FAM81B: variants seen among roughly 807,000 people sequenced by gnomAD.
The protein encoded by FAM81B is protein FAM81B.
Under a neutral mutation model 58.7 loss-of-function variants are expected in FAM81B, and 60 were observed. That is an observed-to-expected ratio of 1.02 (90% CI 0.83 to 1.27). FAM81B has a LOEUF of 1.27. Ranked by LOEUF, FAM81B falls within the 50% of genes most tolerant of loss-of-function variation. The pLI, the probability that FAM81B is intolerant of heterozygous loss-of-function variation, is 0.00. For missense variants in FAM81B, 491 were observed against 522.0 expected (o/e 0.94, Z 0.58); for synonymous variants, 189 against 179.6 (o/e 1.05, Z -0.42).
Position 95,413,812 on chromosome 5 carries a change from A to G in FAM81B, c.294-135A>G, listed in dbSNP as rs573436546. On this transcript the variant is annotated intron_variant, in intron 3 of 9. Transcript: ENST00000283357. The stretch of plus-strand genomic sequence containing the variant: ...ACCTTCACCAAATTCTAACCATGGC[A>G]AGTGCTTAAAATCCTATCAAACTTC... The G allele has an allele frequency of 1.2e-4, 164 of 1,415,742 alleles. No individual in the cohort carries two copies. In the East Asian group the frequency reaches 1.2e-3, roughly 10 times the overall value. The allele number at this position is 1,415,742 out of a possible 1,614,324, so 87.7% of individuals were successfully genotyped here. A position where few individuals can be genotyped will look rare whatever the true frequency, so the allele number is the denominator to read the frequency against.
chr5:95,428,539 T>A lies in FAM81B; in HGVS notation c.657-64T>A. The A allele has an allele frequency of 5.7e-6, 9 of 1,581,216 alleles. No individual in the cohort carries two copies. The South Asian group carries it at 1.0e-4, about 18-fold the overall frequency. ...TGGCCATCAAATGAATGTGCAGGTGTCTACTATAGTGTTAAAAATGTTATA... is the reference window on the plus strand; with the variant it reads ...TGGCCATCAAATGAATGTGCAGGTGACTACTATAGTGTTAAAAATGTTATA... On this transcript the variant is annotated intron_variant, in intron 5 of 9. Coordinates refer to ENST00000283357, the MANE Select transcript of FAM81B (RefSeq NM_152548.3).
chr5:95,419,750 T>A (rs1237338752), intron 4 of FAM81B, among the ~76,000 whole-genome samples: 6 of 152,228 alleles, frequency 3.9e-5, no homozygotes, highest in Non-Finnish European at 5.9e-5. Flanking sequence ...TGTGTATGAA[T>A]CAGGTTGATT....
At chr5:95,412,311 T>G (rs1266646109) in intron 3 of FAM81B, among the ~76,000 whole-genome samples, 1 of 152,204 alleles carries the variant, frequency 6.6e-6, no homozygotes, top group African/African-American at 2.4e-5. Context: ...CTGTTTTCGG[T>G]ACACAGAAAT....
Position 95,436,858 on chromosome 5 carries a change from A to C in FAM81B, c.845A>C (p.Lys282Thr). The C allele has an allele frequency of 1.2e-6, 2 of 1,614,082 alleles. No individual in the cohort carries two copies. Among genetic ancestry groups the C allele is most frequent in the South Asian group, 1.1e-5 (1 of 91,084 alleles). Residue 282 changes from lysine to threonine, a missense_variant, in exon 7 of 10, where the codon AAG (lysine) becomes ACG (threonine). Transcript: ENST00000283357. ...TASSEQTSNL[K>T]MVQGDYRHEM... is the part of the protein sequence containing the mutation. ...AGTTCTGAGCAAACCTCGAATTTAA[A>C]GATGGTCCAGGGGGATTATCGCCAC...
chr5:95,417,571 T>C (rs1485771186), intron 4 of FAM81B, among the ~76,000 whole-genome samples: 1 of 152,244 alleles, frequency 6.6e-6, no homozygotes, highest in East Asian at 1.9e-4. Context: ...CTTTTGAGTT[T>C]TAGTACTTTT....
chr5:95,414,068 A>G lies in FAM81B; in HGVS notation c.415A>G (p.Ile139Val). Residue 139 changes from isoleucine (I) to valine (V), a missense_variant, in exon 4 of 10, where the codon ATC becomes GTC. Ile to Val is a conservative substitution (Grantham distance 29). Transcript: ENST00000283357. ...ACAAGCCTTCCGCATCAAGGAGGACATCTCTGCTTGCCTGCAGGGGACCCA... is the reference window on the plus strand; with the variant it reads ...ACAAGCCTTCCGCATCAAGGAGGACGTCTCTGCTTGCCTGCAGGGGACCCA... ...LEQAFRIKED[I>V]SACLQGTHGF... is the part of the protein sequence containing the mutation. 6.2e-7 allele frequency: 1 copy of G among 1,614,094 alleles called. No homozygotes were observed. Among genetic ancestry groups the G allele is most frequent in the Non-Finnish European group, 8.5e-7 (1 of 1,180,006 alleles).
intron 9 of FAM81B, among the ~76,000 whole-genome samples, chr5:95,449,405 T>C (rs1013969704): frequency 6.6e-6 from 1 of 152,248 alleles, no homozygotes; most frequent in African/African-American, 2.4e-5. Flanking sequence ...CTCTGCTTTC[T>C]GTTTAACTAT....
intron 5 of FAM81B, among the ~76,000 whole-genome samples, chr5:95,426,454 G>A (rs559548412): frequency 1.2e-3 from 185 of 152,208 alleles, no homozygotes; most frequent in Middle Eastern, 6.8e-3. Flanking sequence ...CTCTCAAGTT[G>A]AGTAAATAAA....
In FAM81B at chr5:95,440,303, T is replaced by C. The variant is rs184906418; in HGVS notation, c.893+3397T>C. On this transcript the variant is annotated intron_variant, in intron 7 of 9. Coordinates refer to ENST00000283357, the MANE Select transcript of FAM81B (RefSeq NM_152548.3). Reference sequence around the variant, plus strand: ...CTGATTATGCAAAAACTGCTGACAATGCAACTAAAAATGCAGAACCATTGA... The same window carrying C: ...CTGATTATGCAAAAACTGCTGACAACGCAACTAAAAATGCAGAACCATTGA... The C allele has an allele frequency of 4.9e-4, 483 of 984,476 alleles. 5 individuals carry two copies. The East Asian group carries it at 0.013, about 27-fold the overall frequency. 61.0% of individuals were successfully genotyped at this position (984,476 alleles called of 1,614,324 possible). A position where few individuals can be genotyped will look rare whatever the true frequency, so the allele number is the denominator to read the frequency against.
intron 7 of FAM81B, chr5:95,439,950 T>G: frequency 1.1e-5 from 3 of 276,552 alleles, no homozygotes; most frequent in South Asian, 7.8e-5. Context: ...AACCCAGGAG[T>G]TCGGGTTACA....
At position 95,438,470 on chromosome 5, in the gene FAM81B, A is replaced by C. The variant is rs146178298; in HGVS notation, c.893+1564A>C. The stretch of plus-strand genomic sequence containing the variant: ...AAGAGAGAAAAAGGAAATGTTTGAG[A>C]TCCAGGGCTAACTGCTGCATTACTG... On this transcript the variant is annotated intron_variant, in intron 7 of 9. Transcript: ENST00000283357. Among the ~76,000 whole-genome samples the C allele has an allele frequency of 2.5e-3, 383 of 152,242 alleles. 2 individuals carry two copies. Among genetic ancestry groups the C allele is most frequent in the Middle Eastern group, 0.017 (5 of 294 alleles).
At chr5:95,417,831 C>T (rs998062797) in intron 4 of FAM81B, among the ~76,000 whole-genome samples, 1 of 152,152 alleles carries the variant, frequency 6.6e-6, no homozygotes, top group Admixed American at 6.5e-5. Flanking sequence ...AGGCTGCTTG[C>T]AGTACATCAC....
chr5:95,413,107 A>T (rs904278970), intron 3 of FAM81B, among the ~76,000 whole-genome samples: 12 of 152,178 alleles, frequency 7.9e-5, no homozygotes, highest in African/African-American at 2.9e-4. Context: ...GCATGGCACT[A>T]TGTGTGAAGG....
chr5:95,395,824 C>A (rs1202550949), intron 2 of FAM81B, among the ~76,000 whole-genome samples: 3 of 152,180 alleles, frequency 2.0e-5, no homozygotes, highest in Non-Finnish European at 4.4e-5. Context: ...TTAGATATTT[C>A]ATTTTAAAAT....
intron 7 of FAM81B, among the ~76,000 whole-genome samples, chr5:95,444,690 A>G (rs115273319): frequency 2.0e-5 from 3 of 152,340 alleles, no homozygotes; most frequent in African/African-American, 7.2e-5. Context: ...CCTCATATCT[A>G]TGTGAAAAAT....
chr5:95,421,575 C>T (rs746882835), intron 5 of FAM81B, among the ~76,000 whole-genome samples: 3 of 150,994 alleles, frequency 2.0e-5, no homozygotes, highest in Non-Finnish European at 2.9e-5. Flanking sequence ...GTAAAGAGTT[C>T]GAACTTTATG....
chr5:95,413,922 G>A, intron 3 of FAM81B, 25 bp from the exon 4 acceptor site: 1 of 1,597,176 alleles, frequency 6.3e-7, no homozygotes, highest in East Asian at 2.2e-5. Flanking sequence ...ATGCCCTGGT[G>A]TTTCCTTTTC....
intron 3 of FAM81B, among the ~76,000 whole-genome samples, chr5:95,399,482 C>A (rs915515525): frequency 6.7e-6 from 1 of 149,102 alleles, no homozygotes; most frequent in Non-Finnish European, 1.5e-5. Context: ...CTTTTCATGC[C>A]CCCCCCCACC....
At chr5:95,417,779 G>A (rs1048078192) in intron 4 of FAM81B, among the ~76,000 whole-genome samples, 2 of 152,172 alleles carry the variant, frequency 1.3e-5, no homozygotes, top group Non-Finnish European at 2.9e-5. Context: ...TGTACACAAA[G>A]ATGAGAAGAG....
Sources: allele counts gnomAD v4.1 joint callset (sites outside exome capture counted in the v4.1 genomes callset), GRCh38; gene constraint gnomAD v4.1.1; transcripts MANE v1.5; gene names NCBI Gene and HGNC (gene_info 2026-07-23, HGNC 2026-07-21).